COL5A2: variants seen among roughly 807,000 people sequenced by gnomAD.
COL5A2 encodes the protein collagen type V alpha 2 chain, also known as collagen alpha-2(V) chain.
COL5A2 carries 23 observed loss-of-function variants against 208.2 expected under a neutral mutation model. The ratio of observed to expected loss-of-function variants is 0.11; its 90% CI spans 0.08 to 0.16. COL5A2 has a LOEUF of 0.16. COL5A2 is among the 10% of genes least tolerant of loss of function. COL5A2 has a pLI of 1.00. For missense variants in COL5A2, 1,590 were observed against 1,956.4 expected (o/e 0.81, Z 3.53); for synonymous variants, 625 against 628.5 (o/e 0.99, Z 0.08).
chr2:189,193,110 A>G lies in COL5A2; in HGVS notation c.-42+32038T>C, dbSNP rs372929413. On this transcript the variant is annotated intron_variant, in intron 1 of 10. Coordinates refer to the COL5A2 transcript ENST00000649966. ...CTTGATCTTGGATTTCTCAGCCTCA[A>G]GAACCATGCCAATAAATTTCTGTTC... is the stretch of plus-strand genomic sequence containing the variant. Among the ~76,000 whole-genome samples, 16 of 152,354 alleles carry G rather than the reference A, an allele frequency of 1.1e-4. 1 individual carries two copies. Among genetic ancestry groups the G allele is most frequent in the African/African-American group, 3.6e-4 (15 of 41,584 alleles).
chr2:189,085,875 C>T (rs1686647302), intron 9 of COL5A2, 103 bp from the exon 10 acceptor site: 1 of 928,792 alleles, frequency 1.1e-6, no homozygotes. Flanking sequence ...GTTGGCTCTG[C>T]CATCTTCCAG....
At chr2:189,075,307 T>G in intron 17 of COL5A2, 86 bp downstream of exon 17, 1 of 941,312 alleles carries the variant, frequency 1.1e-6, no homozygotes, top group Non-Finnish European at 1.7e-6. Flanking sequence ...TGGCATGTGG[T>G]GAGTGCTCTG....
the COL5A2 span, among the ~76,000 whole-genome samples, chr2:189,323,269 G>A: frequency 6.6e-6 from 1 of 152,150 alleles, no homozygotes; most frequent in Non-Finnish European, 1.5e-5. Flanking sequence ...ACAAGACAGG[G>A]ATGCCCTCTC....
intron 1 of COL5A2, among the ~76,000 whole-genome samples, chr2:189,115,779 T>C (rs541539873): frequency 4.6e-5 from 7 of 152,230 alleles, no homozygotes; most frequent in Non-Finnish European, 4.4e-5. Context: ...GTAGCATTGA[T>C]GAATGCAGAT....
At chr2:189,066,243 CTCTT>C in intron 23 of COL5A2, 143 bp downstream of exon 23, 5 of 801,454 alleles carry the variant, frequency 6.2e-6, no homozygotes, top group African/African-American at 5.1e-5. Flanking sequence ...AGTCAGTTGG[CTCTT>C]TCTATTTGCA....
chr2:189,389,934 T>C, the COL5A2 span, among the ~76,000 whole-genome samples: 2 of 152,152 alleles, frequency 1.3e-5, no homozygotes, highest in Non-Finnish European at 2.9e-5. Context: ...CACCAACATA[T>C]TTTCTCTTTT....
chr2:189,217,235 T>G (rs1301973978), intron 1 of COL5A2, among the ~76,000 whole-genome samples: 1 of 152,152 alleles, frequency 6.6e-6, no homozygotes, highest in Non-Finnish European at 1.5e-5. Flanking sequence ...GGTCATAAAT[T>G]CCTTTAAAAG....
intron 1 of COL5A2, among the ~76,000 whole-genome samples, chr2:189,211,133 T>A (rs367672753): frequency 2.0e-4 from 30 of 152,208 alleles, no homozygotes; most frequent in African/African-American, 7.0e-4. Context: ...GGGTAAATTG[T>A]GAAGCCCTAT....
At chr2:189,054,243 G>C (rs376166768) in intron 35 of COL5A2, 31 bp from the exon 36 acceptor site, 11 of 1,529,078 alleles carry the variant, frequency 7.2e-6, no homozygotes, top group African/African-American at 2.7e-5. Flanking sequence ...GGCATATTGA[G>C]GTAAAAAATG....
At chr2:189,335,669 T>C in the COL5A2 span, among the ~76,000 whole-genome samples, 1 of 152,032 alleles carries the variant, frequency 6.6e-6, no homozygotes, top group Non-Finnish European at 1.5e-5. Flanking sequence ...AGGCCACAGA[T>C]TGTATTATTC....
the COL5A2 span, among the ~76,000 whole-genome samples, chr2:189,401,652 A>C: frequency 6.6e-6 from 1 of 152,178 alleles, no homozygotes; most frequent in East Asian, 1.9e-4. Context: ...TGTCTTCCAC[A>C]ATGGTTTAAC....
At chr2:189,191,269 A>G (rs1688924707) in intron 1 of COL5A2, among the ~76,000 whole-genome samples, 2 of 152,108 alleles carry the variant, frequency 1.3e-5, no homozygotes, top group Non-Finnish European at 2.9e-5. Context: ...CTAAAAACCT[A>G]TCTTCAAATT....
At chr2:189,154,100 G>C (rs1312709519) in intron 1 of COL5A2, among the ~76,000 whole-genome samples, 1 of 151,946 alleles carries the variant, frequency 6.6e-6, no homozygotes, top group African/African-American at 2.4e-5. Flanking sequence ...ATTAAGACAA[G>C]CAAACAAAAA....
intron 17 of COL5A2, among the ~76,000 whole-genome samples, chr2:189,074,694 A>G (rs1033391286): frequency 2.4e-4 from 37 of 152,200 alleles, no homozygotes; most frequent in Non-Finnish European, 1.5e-5. Context: ...GATAAATTAC[A>G]TCATCCATCA....
the COL5A2 span, among the ~76,000 whole-genome samples, chr2:189,435,722 G>A: frequency 3.9e-5 from 6 of 152,222 alleles, no homozygotes; most frequent in Non-Finnish European, 8.8e-5. Flanking sequence ...CTTTTACACT[G>A]TTGGTGGGAC....
At chr2:189,410,837 A>T in the COL5A2 span, among the ~76,000 whole-genome samples, 2,504 of 152,318 alleles carry the variant, frequency 0.016, 35 homozygotes, top group Non-Finnish European at 0.026. Context: ...ATTAAGAATA[A>T]CTAAATTTTT....
the COL5A2 span, among the ~76,000 whole-genome samples, chr2:189,362,312 A>G: frequency 1.3e-5 from 2 of 152,146 alleles, no homozygotes; most frequent in Admixed American, 1.3e-4. Context: ...ATTAAAGGAG[A>G]ATGCAGAGTA....
the COL5A2 span, among the ~76,000 whole-genome samples, chr2:189,256,523 C>G: frequency 6.6e-6 from 1 of 152,176 alleles, no homozygotes; most frequent in Admixed American, 6.5e-5. Context: ...GATCTGTTCT[C>G]CTCATCTTCT....
the COL5A2 span, among the ~76,000 whole-genome samples, chr2:189,419,100 G>C: frequency 1.3e-5 from 2 of 152,152 alleles, no homozygotes; most frequent in East Asian, 3.8e-4. Context: ...ATTCTGAGAA[G>C]CATCTTCATG....
Sources: gnomAD v4.1 joint callset for allele counts (sites outside exome capture counted in the v4.1 genomes callset) on GRCh38, gnomAD v4.1.1 for gene constraint, MANE v1.5 for transcripts, NCBI Gene and HGNC (gene_info 2026-07-23, HGNC 2026-07-21) for gene names.